LSAMP: variants seen among roughly 807,000 people sequenced by gnomAD.
The protein encoded by LSAMP is limbic system associated membrane protein.
Under a neutral mutation model 38.6 loss-of-function variants are expected in LSAMP, and 7 were observed. The ratio of observed to expected loss-of-function variants is 0.18; its 90% confidence interval spans 0.10 to 0.34. LSAMP has a LOEUF of 0.34. Ranked by LOEUF, LSAMP falls within the 10% of genes least tolerant of loss-of-function variation. The pLI, the probability that LSAMP is intolerant of heterozygous loss-of-function variation, is 1.00. For missense variants in LSAMP, 313 were observed against 420.0 expected, an observed-to-expected ratio of 0.75 and a Z score of 2.23; for synonymous variants, 154 against 166.8, an observed-to-expected ratio of 0.92 and a Z score of 0.59.
chr3:115,928,329 C>T lies in LSAMP; in HGVS notation c.515-75712G>A, dbSNP rs368269719. On this transcript the variant is annotated intron_variant, in intron 3 of 6. Coordinates refer to ENST00000490035, the MANE Select transcript of LSAMP (RefSeq NM_002338.5). ...AAGGCTCTTATTTAAAACCACTGTT[C>T]ATAGAACATCTCACTGAGCTTGTGA... Among the ~76,000 whole-genome samples, 15 of 152,252 alleles carry T rather than the reference C, an allele frequency of 9.9e-5. No homozygotes were observed. The East Asian group carries it at 2.1e-3, about 22-fold the overall frequency.
intron 3 of LSAMP, among the ~76,000 whole-genome samples, chr3:115,936,426 T>G (rs923430003): frequency 6.6e-6 from 1 of 152,178 alleles, no homozygotes; most frequent in Non-Finnish European, 1.5e-5. Context: ...TGCTTTTTCT[T>G]TAACTATTTA....
chr3:116,352,604 G>A (rs540829213), intron 1 of LSAMP, among the ~76,000 whole-genome samples: 5 of 152,082 alleles, frequency 3.3e-5, no homozygotes, highest in Admixed American at 2.6e-4. Context: ...CACAGTAATA[G>A]TTCTTTTACC....
chr3:116,209,098 C>T (rs548426666), intron 1 of LSAMP, among the ~76,000 whole-genome samples: 37 of 152,322 alleles, frequency 2.4e-4, no homozygotes, highest in Admixed American at 3.3e-4. Flanking sequence ...GATATAATCT[C>T]GTGGTGTGCC....
chr3:115,928,240 C>T (rs965957878), intron 3 of LSAMP, among the ~76,000 whole-genome samples: 2 of 152,176 alleles, frequency 1.3e-5, no homozygotes, highest in Non-Finnish European at 2.9e-5. Context: ...CTTCCCCTTT[C>T]CCCCTTAGCT....
chr3:116,034,483 G>A (rs1941003162), intron 2 of LSAMP, among the ~76,000 whole-genome samples: 1 of 152,014 alleles, frequency 6.6e-6, no homozygotes. Flanking sequence ...TGGACATAGG[G>A]TGTTTTATTT....
At chr3:116,040,630 CG>C (rs1444986719) in intron 2 of LSAMP, among the ~76,000 whole-genome samples, 2 of 152,208 alleles carry the variant, frequency 1.3e-5, no homozygotes, top group African/African-American at 4.8e-5. Context: ...GTGATAACAC[CG>C]TTTGGAATAC....
chr3:115,928,477 T>A (rs1937525675), intron 3 of LSAMP, among the ~76,000 whole-genome samples: 1 of 152,238 alleles, frequency 6.6e-6, no homozygotes, highest in Non-Finnish European at 1.5e-5. Flanking sequence ...ACACCGTATT[T>A]CCTTTGCTAA....
At chr3:115,972,744 C>A (rs892813139) in intron 3 of LSAMP, among the ~76,000 whole-genome samples, 2 of 151,178 alleles carry the variant, frequency 1.3e-5, no homozygotes, top group Non-Finnish European at 3.0e-5. Context: ...AATAAACAAA[C>A]CCATGTAAAC....
chr3:116,108,950 TGTG>T (rs1708534216), intron 1 of LSAMP, among the ~76,000 whole-genome samples: 1 of 152,194 alleles, frequency 6.6e-6, no homozygotes, highest in African/African-American at 2.4e-5. Flanking sequence ...TAAGTCCTGT[TGTG>T]GGGTTTGAGG....
chr3:116,410,860 C>A (rs1178752532), intron 1 of LSAMP, among the ~76,000 whole-genome samples: 1 of 152,062 alleles, frequency 6.6e-6, no homozygotes, highest in Non-Finnish European at 1.5e-5. Flanking sequence ...GGCTTTTTCA[C>A]TTTTTCATAG....
At chr3:116,427,201 A>T (rs1167121337) in intron 1 of LSAMP, among the ~76,000 whole-genome samples, 3 of 147,356 alleles carry the variant, frequency 2.0e-5, no homozygotes, top group Non-Finnish European at 3.0e-5. Context: ...GCTCACTGCA[A>T]GCTCCGCTTC....
At chr3:116,439,880 G>T (rs1026361311) in intron 1 of LSAMP, among the ~76,000 whole-genome samples, 1 of 152,146 alleles carries the variant, frequency 6.6e-6, no homozygotes, top group Non-Finnish European at 1.5e-5. Flanking sequence ...GCGCCACCAC[G>T]CCCAGCTAGT....
intron 1 of LSAMP, among the ~76,000 whole-genome samples, chr3:116,095,087 C>CA (rs1708197544): frequency 6.6e-6 from 1 of 152,142 alleles, no homozygotes; most frequent in African/African-American, 2.4e-5. Flanking sequence ...TTATATTTTG[C>CA]AGTGTGATGA....
intron 3 of LSAMP, among the ~76,000 whole-genome samples, chr3:115,893,011 T>C (rs1333744175): frequency 6.6e-6 from 1 of 151,734 alleles, no homozygotes; most frequent in African/African-American, 2.4e-5. Context: ...ATCAACTTTA[T>C]ACAAAACATA....
At chr3:115,934,866 T>C (rs192543610) in intron 3 of LSAMP, among the ~76,000 whole-genome samples, 86 of 152,304 alleles carry the variant, frequency 5.6e-4, no homozygotes, top group African/African-American at 1.9e-3. Context: ...ATGTTATGTA[T>C]CTTCCCTTCC....
chr3:115,872,968 A>G (rs1319933133), intron 3 of LSAMP, among the ~76,000 whole-genome samples: 2 of 152,214 alleles, frequency 1.3e-5, no homozygotes, highest in Non-Finnish European at 2.9e-5. Context: ...TATGATACAT[A>G]CATACACATA....
chr3:115,969,353 T>C (rs1362933157), intron 3 of LSAMP, among the ~76,000 whole-genome samples: 3 of 152,060 alleles, frequency 2.0e-5, no homozygotes, highest in East Asian at 3.9e-4. Flanking sequence ...CAGGGCAGAG[T>C]AGCATTTAGA....
At chr3:116,210,043 T>A (rs559460397) in intron 1 of LSAMP, among the ~76,000 whole-genome samples, 1 of 152,182 alleles carries the variant, frequency 6.6e-6, no homozygotes, top group African/African-American at 2.4e-5. Flanking sequence ...CCTGAGCCAC[T>A]GAGCCCGGCC....
intron 1 of LSAMP, among the ~76,000 whole-genome samples, chr3:116,173,598 TAC>T (rs1481379861): frequency 1.3e-5 from 2 of 152,018 alleles, no homozygotes; most frequent in Non-Finnish European, 2.9e-5. Context: ...CCTATACACA[TAC>T]TAGGTTTCTA....
Sources: allele counts gnomAD v4.1 joint callset (sites outside exome capture counted in the v4.1 genomes callset), GRCh38; gene constraint gnomAD v4.1.1; transcripts MANE v1.5; gene names NCBI Gene and HGNC (gene_info 2026-07-23, HGNC 2026-07-21).